Variants in SBF2 observed in about 807,000 individuals in gnomAD.
SBF2 encodes SET binding factor 2.
Under a neutral mutation model 225.2 loss-of-function variants are expected in SBF2, and 112 were observed. The observed-to-expected ratio is 0.50, with a 90% CI of 0.43 to 0.58. The LOEUF (loss-of-function observed/expected upper bound fraction) is 0.58. Ranked by LOEUF, SBF2 falls within the 20% of genes least tolerant of loss-of-function variation. SBF2 has a pLI of 0.00. For synonymous variants in SBF2, 763 were observed against 773.3 expected, an observed-to-expected ratio of 0.99 and a Z score of 0.22; for missense variants, 1,996 against 2,206.2, an observed-to-expected ratio of 0.90 and a Z score of 1.91.
intron 1 of SBF2, among the ~76,000 whole-genome samples, chr11:10,279,149 T>C (rs1043802051): frequency 1.4e-5 from 2 of 141,982 alleles, no homozygotes; most frequent in Admixed American, 7.3e-5. Flanking sequence ...TGGTGGCTCA[T>C]GCCTGTAATC....
At chr11:10,238,237 T>C (rs1214960174) in intron 1 of SBF2, among the ~76,000 whole-genome samples, 1 of 152,010 alleles carries the variant, frequency 6.6e-6, no homozygotes, top group Non-Finnish European at 1.5e-5. Context: ...GGTGAAACCC[T>C]ATCTCTACAA....
intron 2 of SBF2, among the ~76,000 whole-genome samples, chr11:10,051,381 A>G (rs1433017058): frequency 3.3e-5 from 5 of 152,154 alleles, no homozygotes; most frequent in African/African-American, 9.7e-5. Flanking sequence ...AGTTTACACT[A>G]TAAGAATAAT....
intron 26 of SBF2, 133 bp downstream of exon 26, chr11:9,839,365 T>C (rs1855947520): frequency 2.3e-6 from 2 of 887,344 alleles, no homozygotes; most frequent in Non-Finnish European, 1.9e-6. Context: ...TGCTTGCTCG[T>C]ATCCTGGAGA....
chr11:10,193,704 T>C (rs1264532500), intron 2 of SBF2, among the ~76,000 whole-genome samples, 198 bp downstream of exon 2: 1 of 152,084 alleles, frequency 6.6e-6, no homozygotes, highest in Non-Finnish European at 1.5e-5. Context: ...AAGAGCAAAA[T>C]AGGCATTCTA....
chr11:10,260,869 C>A (rs1339653968), intron 1 of SBF2, among the ~76,000 whole-genome samples: 1 of 150,458 alleles, frequency 6.6e-6, no homozygotes, highest in Non-Finnish European at 1.5e-5. Context: ...AACAGAGAGA[C>A]CCTGCCTCAA....
At chr11:9,999,219 C>T (rs953772339) in intron 8 of SBF2, among the ~76,000 whole-genome samples, 7 of 152,054 alleles carry the variant, frequency 4.6e-5, no homozygotes, top group Non-Finnish European at 8.8e-5. Flanking sequence ...TTGGTTTGTC[C>T]TACCTCCAGC....
intron 2 of SBF2, among the ~76,000 whole-genome samples, chr11:10,102,264 G>A (rs147801546): frequency 1.1e-4 from 16 of 152,306 alleles, no homozygotes; most frequent in African/African-American, 3.6e-4. Flanking sequence ...AGTTAGCCTG[G>A]CTCCCCAGCT....
At chr11:10,096,394 A>G (rs1443915895) in intron 2 of SBF2, among the ~76,000 whole-genome samples, 1 of 149,030 alleles carries the variant, frequency 6.7e-6, no homozygotes, top group African/African-American at 2.5e-5. Context: ...TAACTACTCA[A>G]TTTGATTAGC....
intron 13 of SBF2, among the ~76,000 whole-genome samples, chr11:9,970,657 A>G (rs1867272940): frequency 6.6e-6 from 1 of 152,204 alleles, no homozygotes; most frequent in Non-Finnish European, 1.5e-5. Context: ...GTCAAAACAC[A>G]TGGGTTCCAG....
intron 2 of SBF2, among the ~76,000 whole-genome samples, chr11:10,188,815 A>C (rs1030952125): frequency 6.6e-6 from 1 of 152,220 alleles, no homozygotes; most frequent in Non-Finnish European, 1.5e-5. Flanking sequence ...TATGAGCTCA[A>C]ACCACCATTT....
intron 2 of SBF2, among the ~76,000 whole-genome samples, chr11:10,074,065 A>G (rs1365285534): frequency 6.6e-6 from 1 of 152,218 alleles, no homozygotes; most frequent in African/African-American, 2.4e-5. Flanking sequence ...TGATTCAATT[A>G]ATACAATATT....
chr11:10,153,434 G>T (rs1955315592), intron 2 of SBF2, among the ~76,000 whole-genome samples: 1 of 151,904 alleles, frequency 6.6e-6, no homozygotes, highest in African/African-American at 2.4e-5. Flanking sequence ...TAACTCACGG[G>T]TCAAGAATAA....
intron 2 of SBF2, among the ~76,000 whole-genome samples, chr11:10,048,472 A>G (rs1030477102): frequency 9.2e-5 from 14 of 152,220 alleles, no homozygotes; most frequent in African/African-American, 3.4e-4. Flanking sequence ...ATTTGCAATA[A>G]AAAAGTCAGT....
intron 34 of SBF2, among the ~76,000 whole-genome samples, chr11:9,789,931 T>G (rs1290349710): frequency 6.6e-6 from 1 of 152,194 alleles, no homozygotes; most frequent in Non-Finnish European, 1.5e-5. Flanking sequence ...CATGTACCTT[T>G]GGTTTCTTGT....
At chr11:9,860,995 T>C (rs1857687976) in intron 17 of SBF2, among the ~76,000 whole-genome samples, 1 of 152,232 alleles carries the variant, frequency 6.6e-6, no homozygotes, top group Non-Finnish European at 1.5e-5. Context: ...TTTGCTTTCC[T>C]TGGCACATTT....
At chr11:9,813,215 T>C (rs1408727597) in intron 29 of SBF2, among the ~76,000 whole-genome samples, 2 of 152,222 alleles carry the variant, frequency 1.3e-5, no homozygotes, top group African/African-American at 4.8e-5. Context: ...CATATTTGTT[T>C]CTTATTATGC....
chr11:9,963,004 C>T (rs1866676294), intron 15 of SBF2, among the ~76,000 whole-genome samples: 1 of 152,122 alleles, frequency 6.6e-6, no homozygotes. Context: ...ATATTCAGAA[C>T]TATGACAATG....
intron 2 of SBF2, among the ~76,000 whole-genome samples, chr11:10,061,696 C>T (rs1237057398): frequency 1.3e-5 from 2 of 152,096 alleles, no homozygotes; most frequent in African/African-American, 2.4e-5. Context: ...TCAGAGTAGA[C>T]ACAAACAAAT....
At chr11:9,980,359 C>A (rs1437205782) in intron 13 of SBF2, among the ~76,000 whole-genome samples, 1 of 149,166 alleles carries the variant, frequency 6.7e-6, no homozygotes, top group Non-Finnish European at 1.5e-5. Context: ...TGGTCTCGAA[C>A]TCCTAGCCCC....
Sources: gnomAD v4.1 joint callset for allele counts (sites outside exome capture counted in the v4.1 genomes callset) on GRCh38, gnomAD v4.1.1 for gene constraint, MANE v1.5 for transcripts, NCBI Gene and HGNC (gene_info 2026-07-23, HGNC 2026-07-21) for gene names.